The following PIAS2 variants were observed in gnomAD, a reference collection of about 807,000 sequenced individuals.
The protein encoded by PIAS2 is E3 SUMO-protein ligase PIAS2.
Under a neutral mutation model 69.7 loss-of-function variants are expected in PIAS2, and 19 were observed. That is an observed-to-expected ratio of 0.27 (90% CI 0.19 to 0.40). PIAS2 has a LOEUF of 0.40. PIAS2 is among the 10% of genes least tolerant of loss of function. PIAS2 has a pLI of 1.00. For missense variants in PIAS2, 624 were observed against 757.0 expected (o/e 0.82, Z 2.06); for synonymous variants, 261 against 263.2 (o/e 0.99, Z 0.08).
intron 1 of PIAS2, among the ~76,000 whole-genome samples, chr18:46,905,428 A>C (rs2146221491): frequency 6.6e-6 from 1 of 152,296 alleles, no homozygotes; most frequent in South Asian, 2.1e-4. Context: ...CACCCAGCTT[A>C]AGAAATTAGA....
chr18:46,891,066 G>GAA lies in PIAS2; in HGVS notation c.25-14_25-13dup. ...CTAGAAACCATATTCTAAAAGGAAA[G>GAA]AAAAAAAAACATAAGCCAAGTCACC... On this transcript the variant is annotated splice_polypyrimidine_tract_variant and intron_variant, in intron 1 of 13. Coordinates refer to ENST00000585916, the MANE Select transcript of PIAS2 (RefSeq NM_004671.5). 3 of 1,485,766 alleles carry GAA rather than the reference G, an allele frequency of 2.0e-6. No individual in the cohort carries two copies. Among genetic ancestry groups the GAA allele is most frequent in the Non-Finnish European group, 2.7e-6 (3 of 1,101,704 alleles). The allele number at this position is 1,485,766 out of a possible 1,614,324, so 92.0% of individuals were successfully genotyped here.
chr18:46,855,471 T>G, intron 4 of PIAS2, 36 bp from the exon 5 acceptor site: 1 of 1,579,050 alleles, frequency 6.3e-7, no homozygotes, highest in Non-Finnish European at 8.7e-7. Context: ...TCTTAAATAG[T>G]GTGCTCAAAC....
At chr18:46,866,625 T>C (rs1026633417) in intron 2 of PIAS2, among the ~76,000 whole-genome samples, 2 of 152,234 alleles carry the variant, frequency 1.3e-5, no homozygotes, top group African/African-American at 4.8e-5. Context: ...TATTTTCTTC[T>C]TGTAATTTCC....
At chr18:46,907,912 G>C (rs2056818105) in intron 1 of PIAS2, 1 of 152,082 alleles carries the variant, frequency 6.6e-6, no homozygotes, top group African/African-American at 2.4e-5. Context: ...TTTATATAAA[G>C]TTCAAAAACA....
chr18:46,846,406 TA>T (rs913001566), intron 6 of PIAS2: 6 of 193,768 alleles, frequency 3.1e-5, no homozygotes, highest in Non-Finnish European at 4.2e-5. Flanking sequence ...CCAAAGCTTC[TA>T]GTTTATTAAA....
intron 5 of PIAS2, chr18:46,853,246 A>C (rs1190719960): frequency 1.3e-5 from 2 of 150,884 alleles, no homozygotes; most frequent in Non-Finnish European, 2.9e-5. Context: ...ACACTAATGC[A>C]CTCCAGCCTG....
intron 1 of PIAS2, chr18:46,891,628 T>TA (rs768902772): frequency 5.4e-5 from 48 of 891,434 alleles, no homozygotes; most frequent in African/African-American, 1.3e-4. Context: ...ATATTAAAGC[T>TA]AAAAAATCAC....
At chr18:46,853,775 C>G (rs1250198682) in intron 5 of PIAS2, 1 of 152,286 alleles carries the variant, frequency 6.6e-6, no homozygotes, top group African/African-American at 2.4e-5. Context: ...GGTGACACAG[C>G]AAGACTCTAT....
intron 2 of PIAS2, among the ~76,000 whole-genome samples, chr18:46,865,522 C>CAAAAAAAAAAAAAAAAA (rs11321908): frequency 9.2e-6 from 1 of 108,260 alleles, no homozygotes; most frequent in African/African-American, 3.3e-5. Context: ...CGATAGTCTT[C>CAAAAAAAAAAAAAAAAA]AAAAAAAAAA....
In PIAS2 at chr18:46,888,037, C is replaced by T. The variant is rs117042984; in HGVS notation, c.499+2543G>A. Among the ~76,000 whole-genome samples, 1,058 of 152,024 alleles carry T rather than the reference C, an allele frequency of 7.0e-3. 8 individuals are homozygous for T. The highest frequency in any genetic ancestry group is 9.6e-3 in the Non-Finnish European group (655 of 67,990). ...AAAGTAGCAGAATACAAAGTCAACA[C>T]GCAAAAATCAATTGCATTTTTATAA... is the stretch of plus-strand genomic sequence containing the variant. On this transcript the variant is annotated intron_variant, in intron 2 of 13. Coordinates refer to ENST00000585916, the MANE Select transcript of PIAS2 (RefSeq NM_004671.5).
intron 6 of PIAS2, among the ~76,000 whole-genome samples, chr18:46,845,556 A>T (rs1279119002): frequency 6.6e-6 from 1 of 152,162 alleles, no homozygotes; most frequent in Admixed American, 6.5e-5. Context: ...CATACCTGTT[A>T]GATCTGGCAC....
intron 1 of PIAS2, among the ~76,000 whole-genome samples, chr18:46,908,397 T>A (rs2056873741): frequency 6.6e-6 from 1 of 152,132 alleles, no homozygotes; most frequent in South Asian, 2.1e-4. Flanking sequence ...AGTGATGGCA[T>A]CCAAACCAGT....
At chr18:46,858,488 G>A (rs1474705179) in intron 3 of PIAS2, among the ~76,000 whole-genome samples, 1 of 152,106 alleles carries the variant, frequency 6.6e-6, no homozygotes, top group Non-Finnish European at 1.5e-5. Context: ...TGAGGTAGGT[G>A]GAGTTCAGGA....
intron 5 of PIAS2, among the ~76,000 whole-genome samples, chr18:46,855,084 C>T (rs72907199): frequency 0.098 from 10,678 of 108,628 alleles, 445 homozygotes; most frequent in African/African-American, 0.13. Flanking sequence ...CTGGGGAACA[C>T]AGTAGGACCT....
At chr18:46,831,195 G>C (rs988429144) in intron 9 of PIAS2, among the ~76,000 whole-genome samples, 2 of 152,034 alleles carry the variant, frequency 1.3e-5, no homozygotes, top group African/African-American at 4.8e-5. Flanking sequence ...TAAGGGATGG[G>C]AATAACATAT....
chr18:46,820,745 T>C (rs1875480444), intron 12 of PIAS2, among the ~76,000 whole-genome samples, 188 bp downstream of exon 12: 2 of 152,130 alleles, frequency 1.3e-5, no homozygotes, highest in African/African-American at 2.4e-5. Flanking sequence ...CAGGAATCTA[T>C]AGATTGCTCT....
rs55776913 is a variant in PIAS2 at position 46,859,427 on chromosome 18, C to CAAA, written c.585-3815_585-3813dup. On this transcript the variant is annotated intron_variant, in intron 3 of 13. Transcript: ENST00000585916. ...TGGGTGACAGAGCGAGACTCCGTCT[C>CAAA]AAAAAAAAAAAAAAAAAAAAAAAAA... Among the ~76,000 whole-genome samples the CAAA allele has an allele frequency of 4.1e-3, 365 of 89,530 alleles. 14 individuals carry two copies. The highest frequency in any genetic ancestry group is 0.013 in the African/African-American group (259 of 19,686). 58.7% of individuals were successfully genotyped at this position (89,530 alleles called of 152,430 possible).
At chr18:46,855,531 A>G (rs747218781) in intron 4 of PIAS2, 34 bp downstream of exon 4, 1 of 1,598,908 alleles carries the variant, frequency 6.3e-7, no homozygotes, top group East Asian at 2.2e-5. Flanking sequence ...GTAAGCAAGT[A>G]TAAAACTAAG....
intron 2 of PIAS2, among the ~76,000 whole-genome samples, chr18:46,868,453 G>A (rs1333099766): frequency 1.1e-4 from 16 of 152,090 alleles, no homozygotes; most frequent in Non-Finnish European, 1.9e-4. Flanking sequence ...GCCGCACCCT[G>A]ACATGCCCAA....
Sources: gnomAD v4.1 joint callset for allele counts (sites outside exome capture counted in the v4.1 genomes callset) on GRCh38, gnomAD v4.1.1 for gene constraint, MANE v1.5 for transcripts, NCBI Gene and HGNC (gene_info 2026-07-23, HGNC 2026-07-21) for gene names.